Variants in ATXN3 observed in about 807,000 individuals in gnomAD.
The protein encoded by ATXN3 is ataxin 3.
ATXN3 carries 28 observed loss-of-function variants against 58.2 expected under a neutral mutation model. The ratio of observed to expected loss-of-function variants is 0.48; its 90% CI spans 0.36 to 0.66. The LOEUF (loss-of-function observed/expected upper bound fraction) is 0.66. Ranked by LOEUF, ATXN3 falls within the 30% of genes least tolerant of loss-of-function variation. ATXN3 has a pLI of 0.00. For missense variants in ATXN3, 321 were observed against 422.1 expected (o/e 0.76, Z 2.10); for synonymous variants, 113 against 138.5 (o/e 0.82, Z 1.29).
rs1220078652 is a variant in ATXN3, at chr14:92,096,610, C to T, written c.189+64G>A. 1.6e-5 allele frequency: 24 copies of T among 1,479,126 alleles called. No individual in the cohort carries two copies. In the Admixed American group the frequency reaches 3.0e-4, roughly 19 times the overall value. The allele number at this position is 1,479,126 out of a possible 1,614,324, so 91.6% of individuals were successfully genotyped here. On this transcript the variant is annotated intron_variant, in intron 2 of 10. Transcript: ENST00000644486. Reference sequence around the variant, plus strand: ...TTGCACTCCAGCATGGGCAACAGGGCGAGACTCCGTCTCAAAAAAAAAAAA... The same window carrying T: ...TTGCACTCCAGCATGGGCAACAGGGTGAGACTCCGTCTCAAAAAAAAAAAA...
chr14:92,085,349 G>A (rs897030051), intron 6 of ATXN3, among the ~76,000 whole-genome samples: 12 of 152,044 alleles, frequency 7.9e-5, no homozygotes, highest in African/African-American at 2.2e-4. Flanking sequence ...ACCACACCCA[G>A]TTAATTTTTG....
chr14:92,082,566 T>G (rs2061649976), intron 7 of ATXN3, 100 bp from the exon 8 acceptor site: 4 of 1,143,782 alleles, frequency 3.5e-6, no homozygotes, highest in Admixed American at 5.2e-5. Flanking sequence ...AGTCAAAACT[T>G]AAAATGTTTT....
intron 6 of ATXN3, among the ~76,000 whole-genome samples, chr14:92,087,827 A>G (rs2140928819): frequency 6.6e-6 from 1 of 152,350 alleles, no homozygotes; most frequent in Admixed American, 6.5e-5. Flanking sequence ...TATGCTTGCA[A>G]TTGAGATTTG....
chr14:92,072,559 A>C (rs998162195), intron 9 of ATXN3, among the ~76,000 whole-genome samples: 5 of 152,156 alleles, frequency 3.3e-5, no homozygotes, highest in Non-Finnish European at 5.9e-5. Context: ...AAAACCCCAA[A>C]TCTAAAACAC....
intron 1 of ATXN3, among the ~76,000 whole-genome samples, chr14:92,097,333 T>G (rs1480860433): frequency 6.6e-6 from 1 of 151,786 alleles, no homozygotes; most frequent in Non-Finnish European, 1.5e-5. Context: ...GTTCAAGTGA[T>G]TCTCCTGCCT....
chr14:92,078,062 C>T (rs911000748), intron 9 of ATXN3, among the ~76,000 whole-genome samples: 2 of 150,942 alleles, frequency 1.3e-5, no homozygotes, highest in African/African-American at 4.9e-5. Flanking sequence ...GCAACCTCTA[C>T]CTCCTGGGTT....
intron 1 of ATXN3, among the ~76,000 whole-genome samples, chr14:92,098,230 C>T (rs2065882822): frequency 6.6e-6 from 1 of 152,114 alleles, no homozygotes; most frequent in African/African-American, 2.4e-5. Context: ...CTCAGCCTCC[C>T]GAGCAGCTAG....
intron 10 of ATXN3, 105 bp from the exon 11 acceptor site, chr14:92,064,519 T>A: frequency 1.2e-6 from 1 of 840,138 alleles, no homozygotes; most frequent in Non-Finnish European, 1.9e-6. Flanking sequence ...CACGAGTTTC[T>A]TTTTTTGATT....
intron 3 of ATXN3, among the ~76,000 whole-genome samples, chr14:92,095,298 C>T (rs1250194216): frequency 6.6e-6 from 1 of 152,064 alleles, no homozygotes; most frequent in Non-Finnish European, 1.5e-5. Flanking sequence ...GGCTAGAGTG[C>T]AGTGGCGCGA....
chr14:92,093,033 G>GT (rs11160039), intron 5 of ATXN3, among the ~76,000 whole-genome samples: 40,283 of 140,630 alleles, frequency 0.29, 5,882 homozygotes, highest in East Asian at 0.46. Flanking sequence ...CTGGCTCTTT[G>GT]TTTTTTTTTT....
In ATXN3 at chr14:92,064,377, A is replaced by C; in HGVS notation, c.1029T>G (p.Ala343=). 1 of 1,613,306 alleles carries C rather than the reference A, an allele frequency of 6.2e-7. No individual in the cohort carries two copies. The highest frequency in any genetic ancestry group is 8.5e-7 in the Non-Finnish European group (1 of 1,179,520). ...AMSEEDMLQA[A]VTMSLETVRN... is the part of the protein sequence containing the mutation. Reference sequence around the variant, plus strand: ...TGACAGTTTCTAAAGACATGGTCACAGCTGCCTGAAGCATGTCTTCTTCAC... The same window carrying C: ...TGACAGTTTCTAAAGACATGGTCACCGCTGCCTGAAGCATGTCTTCTTCAC... The change falls in exon 11 of 11, where the codon GCT becomes GCG. Residue 343 remains alanine, a synonymous_variant. Transcript: ENST00000644486.
intron 10 of ATXN3, among the ~76,000 whole-genome samples, chr14:92,065,832 G>A (rs2058291950): frequency 6.6e-6 from 1 of 152,170 alleles, no homozygotes. Flanking sequence ...AGTAAGCCGA[G>A]ATGGCGCCAC....
intron 10 of ATXN3, among the ~76,000 whole-genome samples, chr14:92,067,835 C>G (rs1360039875): frequency 1.3e-5 from 2 of 152,214 alleles, no homozygotes; most frequent in Non-Finnish European, 1.5e-5. Flanking sequence ...CTCGCTACAA[C>G]CAGAGGGGAG....
chr14:92,092,440 T>C (rs2064052189), intron 5 of ATXN3, among the ~76,000 whole-genome samples: 1 of 152,222 alleles, frequency 6.6e-6, no homozygotes, highest in South Asian at 2.1e-4. Context: ...AAAATAGAAG[T>C]GATTTTCTGT....
Position 92,096,641 on chromosome 14 carries a change from A to AT in ATXN3, c.189+32_189+33insA, listed in dbSNP as rs369995156. 414 of 1,556,964 alleles carry AT rather than the reference A, an allele frequency of 2.7e-4. 1 individual carries two copies. In the East Asian group the frequency reaches 6.9e-3, roughly 26 times the overall value. On this transcript the variant is annotated intron_variant, in intron 2 of 10. Coordinates refer to ENST00000644486, the MANE Select transcript of ATXN3 (RefSeq NM_004993.6). ...TCCGTCTCAAAAAAAAAAAAAAAAA[A>AT]GAAATGTGACTTAGTGAGTTTAAAA... is the stretch of plus-strand genomic sequence containing the variant.
At chr14:92,076,306 G>A (rs1161182169) in intron 9 of ATXN3, among the ~76,000 whole-genome samples, 1 of 151,898 alleles carries the variant, frequency 6.6e-6, no homozygotes, top group African/African-American at 2.4e-5. Flanking sequence ...AAATTAGCCC[G>A]ACGTGGTGGC....
At chr14:92,102,902 G>A (rs1351082019) in intron 1 of ATXN3, among the ~76,000 whole-genome samples, 1 of 152,114 alleles carries the variant, frequency 6.6e-6, no homozygotes, top group Non-Finnish European at 1.5e-5. Context: ...TTCTCCTAAA[G>A]CTCAAATGTC....
At chr14:92,071,173 T>C (rs1460066699) in intron 9 of ATXN3, 120 bp from the exon 10 acceptor site, 3 of 1,418,856 alleles carry the variant, frequency 2.1e-6, no homozygotes, top group Admixed American at 2.0e-5. Flanking sequence ...GTCACTGGTA[T>C]TAAAAGAATG....
intron 1 of ATXN3, among the ~76,000 whole-genome samples, chr14:92,048,765 A>G (rs1390383626): frequency 2.0e-5 from 3 of 152,092 alleles, no homozygotes; most frequent in African/African-American, 7.2e-5. Context: ...AGGCTGAGGA[A>G]GAATTGGGAC....
Sources: allele counts gnomAD v4.1 joint callset (sites outside exome capture counted in the v4.1 genomes callset), GRCh38; gene constraint gnomAD v4.1.1; transcripts MANE v1.5; gene names NCBI Gene and HGNC (gene_info 2026-07-23, HGNC 2026-07-21).